The following STYXL1 variants were observed in gnomAD, a reference collection of about 807,000 sequenced individuals.
STYXL1 encodes serine/threonine/tyrosine interacting like 1.
A neutral mutation model predicts 36.4 loss-of-function variants in STYXL1; 32 were observed. The ratio of observed to expected loss-of-function variants is 0.88; its 90% CI spans 0.66 to 1.18. The LOEUF (loss-of-function observed/expected upper bound fraction) is 1.18. STYXL1 is among the 50% of genes most tolerant of loss of function. The pLI is 0.00. For missense variants in STYXL1, 354 were observed against 394.1 expected (o/e 0.90, Z 0.86); for synonymous variants, 133 against 144.1 (o/e 0.92, Z 0.55).
chr7:76,032,875 GA>G (rs1289518922), intron 1 of STYXL1, among the ~76,000 whole-genome samples: 1 of 152,104 alleles, frequency 6.6e-6, no homozygotes, highest in Non-Finnish European at 1.5e-5. Context: ...CGAAACAAAG[GA>G]TAAGAACATT....
intron 5 of STYXL1, among the ~76,000 whole-genome samples, chr7:76,006,176 C>T (rs1554570301): frequency 6.6e-6 from 1 of 152,058 alleles, no homozygotes; most frequent in Admixed American, 6.6e-5. Flanking sequence ...GGCTCAAATG[C>T]TTCTCCTACC....
At chr7:76,039,135 A>G (rs1796235105) in intron 1 of STYXL1, among the ~76,000 whole-genome samples, 1 of 148,726 alleles carries the variant, frequency 6.7e-6, no homozygotes, top group Non-Finnish European at 1.5e-5. Flanking sequence ...ACGGGGTTTC[A>G]CCATGTTGGC....
At position 76,003,912 on chromosome 7, in the gene STYXL1, T is replaced by C. The variant is rs1330978826; in HGVS notation, c.600-57A>G. The C allele has an allele frequency of 1.6e-5, 25 of 1,529,622 alleles. No individual in the cohort carries two copies. In the Admixed American group the frequency reaches 1.7e-4, roughly 10 times the overall value. The allele number at this position is 1,529,622 out of a possible 1,614,324, so 94.8% of individuals were successfully genotyped here. The stretch of plus-strand genomic sequence containing the variant: ...GGAATGCAGAATGCAGGCATCCCCA[T>C]TGTGGGGTTTTCATCACAGCAGAAG... On this transcript the variant is annotated intron_variant, in intron 6 of 8. Coordinates refer to ENST00000359697, the MANE Select transcript of STYXL1 (RefSeq NM_001317785.2).
intron 4 of STYXL1, 110 bp downstream of exon 4, chr7:76,021,741 A>T: frequency 1.3e-6 from 1 of 783,848 alleles, no homozygotes. Flanking sequence ...CTGCTGTCTC[A>T]GTGTCATTGG....
Position 75,996,410 on chromosome 7 carries a change from C to A in STYXL1, c.*58G>T. ...TGGGTATACACACTCTGGCCCTCCA[C>A]CCACAAAATGCCCCCAGGTGAGGCT... is the stretch of plus-strand genomic sequence containing the variant. On this transcript the variant is annotated 3_prime_UTR_variant, in exon 9 of 9. Transcript: ENST00000359697. The A allele has an allele frequency of 6.2e-7, 1 of 1,613,680 alleles. No individual in the cohort carries two copies. The highest frequency in any genetic ancestry group is 1.1e-5 in the South Asian group (1 of 90,996).
chr7:76,001,034 C>T (rs782623882), intron 7 of STYXL1, 32 bp from the exon 8 acceptor site: 1 of 1,556,600 alleles, frequency 6.4e-7, no homozygotes, highest in Non-Finnish European at 8.9e-7. Flanking sequence ...TGGGTCATGC[C>T]TGGCCCTCCT....
chr7:76,029,999 AT>A (rs372885317), intron 2 of STYXL1, among the ~76,000 whole-genome samples: 126 of 147,648 alleles, frequency 8.5e-4, no homozygotes, highest in African/African-American at 1.5e-3. Flanking sequence ...CTTCTTTTTT[AT>A]TTTTTTTTTT....
chr7:76,044,127 A>G (rs1444112945), intron 1 of STYXL1: 3 of 152,212 alleles, frequency 2.0e-5, no homozygotes, highest in Admixed American at 2.0e-4. Context: ...ATTTCCTTAG[A>G]GAGAGGCAGA....
chr7:76,041,532 G>T (rs1282232613), intron 1 of STYXL1, among the ~76,000 whole-genome samples: 5 of 152,150 alleles, frequency 3.3e-5, no homozygotes, highest in African/African-American at 4.8e-5. Context: ...TTGAGAGCAG[G>T]TTGTTATAAA....
rs1554568870 is a variant in STYXL1, at chr7:76,003,744, G to A, written c.697+14C>T. On this transcript the variant is annotated intron_variant, in intron 7 of 8. Transcript: ENST00000359697. ...CACAGGCCAGTTGCTACCCGGCCAA[G>A]GAACGCTCCTTACCAATGAAGTGAC... The A allele has an allele frequency of 1.2e-6, 2 of 1,613,654 alleles. No homozygotes were observed. Among genetic ancestry groups the A allele is most frequent in the East Asian group, 2.2e-5 (1 of 44,878 alleles).
intron 4 of STYXL1, among the ~76,000 whole-genome samples, chr7:76,020,788 G>A (rs368090938): frequency 3.3e-5 from 5 of 151,846 alleles, no homozygotes; most frequent in Admixed American, 1.3e-4. Context: ...TGGGACTACA[G>A]GTATGAGTCA....
At chr7:76,018,390 C>T (rs1448676430) in intron 4 of STYXL1, among the ~76,000 whole-genome samples, 1 of 151,512 alleles carries the variant, frequency 6.6e-6, no homozygotes, top group Non-Finnish European at 1.5e-5. Context: ...CATGTCAGTA[C>T]TTTTATTTTT....
chr7:76,022,106 T>C (rs1268688848), intron 3 of STYXL1, 114 bp from the exon 4 acceptor site: 1 of 1,501,326 alleles, frequency 6.7e-7, no homozygotes, highest in Admixed American at 2.2e-5. Context: ...CTCTCTCCCC[T>C]GACTATACAC....
At chr7:76,028,499 G>T (rs1391576565) in intron 3 of STYXL1, 143 bp downstream of exon 3, 7 of 704,874 alleles carry the variant, frequency 9.9e-6, no homozygotes, top group Non-Finnish European at 1.5e-5. Context: ...GTGAGGGTGA[G>T]AGGTGTGGAA....
chr7:76,008,995 C>A (rs1792188529), intron 5 of STYXL1, among the ~76,000 whole-genome samples: 2 of 151,644 alleles, frequency 1.3e-5, no homozygotes, highest in African/African-American at 4.9e-5. Context: ...GAGATGCTAT[C>A]TCAAAAAAAA....
chr7:76,040,781 A>T (rs1264845947), intron 1 of STYXL1, among the ~76,000 whole-genome samples: 3 of 151,680 alleles, frequency 2.0e-5, no homozygotes, highest in Non-Finnish European at 2.9e-5. Flanking sequence ...GGTTGCAGTG[A>T]GCTGAAATCG....
intron 5 of STYXL1, among the ~76,000 whole-genome samples, chr7:76,006,061 TTTTTC>T (rs1419331138): frequency 4.6e-5 from 7 of 152,074 alleles, no homozygotes; most frequent in African/African-American, 9.6e-5. Context: ...TCAACCCATC[TTTTTC>T]TTTTCTTTTC....
At chr7:76,000,396 G>C in intron 8 of STYXL1, 1 of 456,672 alleles carries the variant, frequency 2.2e-6, no homozygotes, top group Non-Finnish European at 4.4e-6. Context: ...AAGCCCTCTG[G>C]GGATCACGAA....
rs1791532670 is a variant in STYXL1 at position 76,005,289 on chromosome 7, T to C, written c.569A>G (p.His190Arg). The C allele has an allele frequency of 1.9e-6, 3 of 1,610,484 alleles. No individual in the cohort carries two copies. The highest frequency in any genetic ancestry group is 2.5e-6 in the Non-Finnish European group (3 of 1,177,378). ...KIQKDLKIKAHVNVSMDTGPF... is the reference protein window; with the variant it reads ...KIQKDLKIKARVNVSMDTGPF... ...CCCTGTATCCATGGAGACATTGACA[T>C]GGGCTTTGATTTTCAAGTCCTTCTG... Residue 190 changes from histidine to arginine, a missense_variant, in exon 6 of 9, where the codon CAT becomes CGT. Physicochemically the swap from His to Arg is conservative, Grantham distance 29. Coordinates refer to ENST00000359697, the MANE Select transcript of STYXL1 (RefSeq NM_001317785.2).
Sources: allele counts gnomAD v4.1 joint callset (sites outside exome capture counted in the v4.1 genomes callset), GRCh38; gene constraint gnomAD v4.1.1; transcripts MANE v1.5; gene names NCBI Gene and HGNC (gene_info 2026-07-23, HGNC 2026-07-21).